ATP2B2: variants seen among roughly 807,000 people sequenced by gnomAD.
ATP2B2 encodes the protein ATPase plasma membrane Ca2+ transporting 2, also known as plasma membrane calcium-transporting ATPase 2.
A neutral mutation model predicts 120.0 loss-of-function variants in ATP2B2; 15 were observed. The observed-to-expected ratio is 0.12, with a 90% confidence interval of 0.08 to 0.19. The LOEUF (loss-of-function observed/expected upper bound fraction) is 0.19, where lower values mean the gene tolerates loss of function less well. Ranked by LOEUF, ATP2B2 falls within the 10% of genes least tolerant of loss-of-function variation. The pLI, the probability that ATP2B2 is intolerant of heterozygous loss-of-function variation, is 1.00. For missense variants in ATP2B2, 1,045 were observed against 1,719.8 expected (o/e 0.61, Z 6.94); for synonymous variants, 694 against 700.3 (o/e 0.99, Z 0.14).
intron 3 of ATP2B2, among the ~76,000 whole-genome samples, chr3:10,408,854 G>C (rs978548403): frequency 6.6e-6 from 1 of 152,156 alleles, no homozygotes; most frequent in African/African-American, 2.4e-5. Context: ...CCATGTATCC[G>C]AGCTGATTCA....
chr3:10,505,542 C>T lies in ATP2B2; in HGVS notation c.-397G>A, dbSNP rs564414995. ...GTAATCGCGGTGCGGCAGCTGGTGC[C>T]GCGGCTGAGCCCAGCCAGCGTGCCC... is the stretch of plus-strand genomic sequence containing the variant. On this transcript the variant is annotated 5_prime_UTR_variant, in exon 1 of 23. Coordinates refer to ENST00000360273, the MANE Select transcript of ATP2B2 (RefSeq NM_001001331.4). The T allele has an allele frequency of 6.7e-6, 1 of 149,184 alleles. No individual in the cohort carries two copies. Among genetic ancestry groups the T allele is most frequent in the Non-Finnish European group, 1.5e-5 (1 of 67,398 alleles). The allele number at this position is 149,184 out of a possible 1,614,324, so 9.2% of individuals were successfully genotyped here.
At chr3:10,672,084 C>A (rs764832738) in intron 1 of ATP2B2, among the ~76,000 whole-genome samples, 7 of 152,208 alleles carry the variant, frequency 4.6e-5, no homozygotes, top group African/African-American at 7.2e-5. Flanking sequence ...GCCATGCAAA[C>A]AATTGATAAG....
rs958912104 is a variant in ATP2B2, at chr3:10,327,186, G to A, written c.*1628C>T. ...AAGAGGCTGACATCCAATTAAATAA[G>A]CTCTTATTAAGTGGGATTACTAGTG... On this transcript the variant is annotated 3_prime_UTR_variant, in exon 23 of 23. Coordinates refer to ENST00000360273, the MANE Select transcript of ATP2B2 (RefSeq NM_001001331.4). 14 of 204,196 alleles carry A rather than the reference G, an allele frequency of 6.9e-5. No homozygotes were observed. Among genetic ancestry groups the A allele is most frequent in the Non-Finnish European group, 1.4e-4 (14 of 102,776 alleles). 12.6% of individuals were successfully genotyped at this position (204,196 alleles called of 1,614,324 possible). A position where few individuals can be genotyped will look rare whatever the true frequency, so the allele number is the denominator to read the frequency against.
At chr3:10,474,179 G>C (rs1430179047) in intron 1 of ATP2B2, among the ~76,000 whole-genome samples, 1 of 152,118 alleles carries the variant, frequency 6.6e-6, no homozygotes, top group Non-Finnish European at 1.5e-5. Context: ...ATTAGGAAGA[G>C]GGCGAGTGGA....
In ATP2B2 at chr3:10,402,146, C is replaced by A. The variant is rs1363293593; in HGVS notation, c.600G>T (p.Val200=). The A allele has an allele frequency of 6.2e-7, 1 of 1,614,200 alleles. No individual in the cohort carries two copies. The highest frequency in any genetic ancestry group is 8.5e-7 in the Non-Finnish European group (1 of 1,180,048). Residue 200 remains valine (V), a synonymous_variant, in exon 4 of 23, where the codon GTG becomes GTT. Coordinates refer to ENST00000360273, the MANE Select transcript of ATP2B2 (RefSeq NM_001001331.4). This position sits in a 1 kb window ranked among gnomAD's most constrained non-coding sequence, Gnocchi z 4.9. ...QKFTVVRAGQ[V]VQIPVAEIVV... ...CGATCTCAGCCACAGGGATCTGGAC[C>A]ACCTGGCCAGCCCGGACCACGGTAA...
chr3:10,706,190 GTGAA>G (rs913634187), intron 1 of ATP2B2, among the ~76,000 whole-genome samples: 13 of 152,234 alleles, frequency 8.5e-5, no homozygotes, highest in African/African-American at 2.6e-4. Context: ...GAGTGAGTGA[GTGAA>G]TGAATGAATG....
At chr3:10,506,923 C>T (rs1353678931), upstream of ATP2B2, among the ~76,000 whole-genome samples, 1 of 152,234 alleles carries the variant, frequency 6.6e-6, no homozygotes, top group East Asian at 1.9e-4. Flanking sequence ...CTGCACTGCA[C>T]CAAAATCAGA....
chr3:10,659,546 T>G (rs1452956621), intron 1 of ATP2B2, among the ~76,000 whole-genome samples: 2 of 152,172 alleles, frequency 1.3e-5, no homozygotes, highest in Non-Finnish European at 2.9e-5. Context: ...AAGAGCTAAC[T>G]ATCCTAAATA....
chr3:10,616,992 CT>C lies in ATP2B2; in HGVS notation c.-415+2924del, dbSNP rs5846676. On this transcript the variant is annotated intron_variant, in intron 2 of 21. Coordinates refer to the ATP2B2 transcript ENST00000646379. Reference sequence around the variant, plus strand: ...AATACTGAAATGTGAACATTTTCTCCTCCATTATTAAAAATTCATCTCAAAC... The same window carrying C: ...AATACTGAAATGTGAACATTTTCTCCCCATTATTAAAAATTCATCTCAAAC... Among the ~76,000 whole-genome samples, 4 of 152,254 alleles carry C rather than the reference CT, an allele frequency of 2.6e-5. No homozygotes were observed. The East Asian group carries it at 7.7e-4, about 29-fold the overall frequency.
At chr3:10,367,432 G>A (rs2061096455) in intron 12 of ATP2B2, among the ~76,000 whole-genome samples, 1 of 152,086 alleles carries the variant, frequency 6.6e-6, no homozygotes, top group South Asian at 2.1e-4. Flanking sequence ...ATCTGAAGGG[G>A]ATGTTGAGGG....
At position 10,385,432 on chromosome 3, in the gene ATP2B2, TA is replaced by T. The variant is rs113091828; in HGVS notation, c.941-106del. On this transcript the variant is annotated intron_variant, in intron 7 of 22. Coordinates refer to ENST00000360273, the MANE Select transcript of ATP2B2 (RefSeq NM_001001331.4). Reference sequence around the variant, plus strand: ...TGGGGAGATAACATGACTCTATTCTTAAAAAAAAAAATTATCCTTTGGAAAC... The same window carrying T: ...TGGGGAGATAACATGACTCTATTCTTAAAAAAAAAATTATCCTTTGGAAAC... 0.019 allele frequency: 14,129 copies of T among 759,238 alleles called. 62 individuals carry two copies. The highest frequency in any genetic ancestry group is 0.045 in the African/African-American group (2,443 of 54,774). The allele number at this position is 759,238 out of a possible 1,614,324, so 47.0% of individuals were successfully genotyped here. A position where few individuals can be genotyped will look rare whatever the true frequency, so the allele number is the denominator to read the frequency against.
At chr3:10,469,911 G>C (rs1229013106) in intron 1 of ATP2B2, among the ~76,000 whole-genome samples, 1 of 151,990 alleles carries the variant, frequency 6.6e-6, no homozygotes, top group African/African-American at 2.4e-5. Context: ...TGGTTGCCTG[G>C]CAACCATGCA....
chr3:10,683,677 A>AAT (rs1187682990), intron 1 of ATP2B2, among the ~76,000 whole-genome samples: 4 of 146,304 alleles, frequency 2.7e-5, no homozygotes, highest in Admixed American at 1.4e-4. Context: ...TATAGCTAGA[A>AAT]ATATATATAT....
chr3:10,373,768 TCTCA>T (rs2061308247), intron 11 of ATP2B2, among the ~76,000 whole-genome samples: 2 of 152,128 alleles, frequency 1.3e-5, no homozygotes, highest in African/African-American at 2.4e-5. Context: ...AGAGATGGGG[TCTCA>T]CTATTTGCCC....
chr3:10,599,991 C>A (rs2068863129), intron 2 of ATP2B2, among the ~76,000 whole-genome samples: 1 of 152,300 alleles, frequency 6.6e-6, no homozygotes, highest in Non-Finnish European at 1.5e-5. Flanking sequence ...CTAGGCTTTC[C>A]CACAGGCCTT....
chr3:10,661,006 A>T lies in ATP2B2; in HGVS notation c.-459-41045T>A, dbSNP rs557642849. ...AACCAAAGACAAAAACCACATGATT[A>T]TCTCAATAGGTGCAGAAAAGGCCTT... is the stretch of plus-strand genomic sequence containing the variant. On this transcript the variant is annotated intron_variant, in intron 1 of 21. Coordinates refer to the ATP2B2 transcript ENST00000646379. 2.0e-5 allele frequency among the ~76,000 whole-genome samples: 3 copies of T among 152,370 alleles called. No individual in the cohort carries two copies. The East Asian group carries it at 5.8e-4, about 29-fold the overall frequency.
intron 2 of ATP2B2, among the ~76,000 whole-genome samples, chr3:10,537,724 A>T (rs1281005973): frequency 6.6e-6 from 1 of 152,214 alleles, no homozygotes; most frequent in Non-Finnish European, 1.5e-5. Context: ...GAATATAATG[A>T]TGAGAGCTGG....
chr3:10,398,526 A>C (rs2062117059), intron 5 of ATP2B2, among the ~76,000 whole-genome samples: 1 of 152,208 alleles, frequency 6.6e-6, no homozygotes, highest in Admixed American at 6.5e-5. Flanking sequence ...CCAGCAGCCC[A>C]GGCTTCACGG....
At chr3:10,684,428 G>A (rs1441605851) in intron 1 of ATP2B2, among the ~76,000 whole-genome samples, 1 of 152,216 alleles carries the variant, frequency 6.6e-6, no homozygotes, top group Admixed American at 6.5e-5. Flanking sequence ...GTACTTTGCA[G>A]TTATGTGAAC....
Sources: allele counts gnomAD v4.1 joint callset (sites outside exome capture counted in the v4.1 genomes callset), GRCh38; gene constraint gnomAD v4.1.1; non-coding constraint Gnocchi (gnomAD v3.1); transcripts MANE v1.5; gene names NCBI Gene and HGNC (gene_info 2026-07-23, HGNC 2026-07-21).